The following C3 variants were observed in gnomAD, a reference collection of about 807,000 sequenced individuals.
C3 encodes C3 and PZP-like alpha-2-macroglobulin domain-containing protein 1.
C3 carries 97 observed loss-of-function variants against 207.9 expected under a neutral mutation model. The observed-to-expected ratio is 0.47, with a 90% CI of 0.40 to 0.55. The LOEUF (loss-of-function observed/expected upper bound fraction) is 0.55. Ranked by LOEUF, C3 falls within the 20% of genes least tolerant of loss-of-function variation. C3 has a pLI of 0.00. For missense variants in C3, 1,684 were observed against 2,171.7 expected, an observed-to-expected ratio of 0.78 and a Z score of 4.46; for synonymous variants, 848 against 857.6, an observed-to-expected ratio of 0.99 and a Z score of 0.20.
intron 13 of C3, 79 bp from the exon 14 acceptor site, chr19:6,709,921 G>T: frequency 7.2e-7 from 1 of 1,390,564 alleles, no homozygotes; most frequent in Non-Finnish European, 9.9e-7. Context: ...TGCTGGGCTA[G>T]AGTGGAAAGA....
intron 11 of C3, 149 bp downstream of exon 11, chr19:6,712,108 G>A (rs1967933487): frequency 1.0e-6 from 1 of 974,794 alleles, no homozygotes; most frequent in Non-Finnish European, 1.6e-6. Flanking sequence ...GTATCTCTAT[G>A]CAAATGGCAG....
chr19:6,695,587 A>C (rs564235846), intron 23 of C3, among the ~76,000 whole-genome samples: 2 of 152,050 alleles, frequency 1.3e-5, no homozygotes, highest in South Asian at 4.2e-4. Context: ...TCAATCGATT[A>C]TCCTGCTTCA....
chr19:6,694,790 T>C (rs1297505099), intron 23 of C3, among the ~76,000 whole-genome samples, 156 bp from the exon 24 acceptor site: 4 of 152,140 alleles, frequency 2.6e-5, no homozygotes, highest in Non-Finnish European at 5.9e-5. Context: ...GGAGGCTGCA[T>C]GGCTGAGTGG....
Position 6,713,249 on chromosome 19 carries a change from G to A in C3, c.943C>T (p.Arg315Ter). ...KVLLDGVQNPRAEDLVGKSLY... is the reference protein window; with the variant it reads ...KVLLDGVQNP ...GACTTCCCCACCAGGTCTTCTGCTC[G>A]GGGGTTCTGCACCCCGTCCAGCAGT... is the stretch of plus-strand genomic sequence containing the variant. Residue 315 changes from arginine (R) to a stop codon, truncating the protein, a stop_gained, in exon 9 of 41, where the codon CGA becomes TGA. Transcript: ENST00000245907. LOFTEE classifies it high-confidence loss of function. 4 of 1,613,662 alleles carry A rather than the reference G, an allele frequency of 2.5e-6. No homozygotes were observed. Among genetic ancestry groups the A allele is most frequent in the Non-Finnish European group, 3.4e-6 (4 of 1,179,988 alleles).
At chr19:6,697,052 A>AAT (rs1967552210) in intron 21 of C3, among the ~76,000 whole-genome samples, 1 of 88,380 alleles carries the variant, frequency 1.1e-5, no homozygotes, top group Non-Finnish European at 2.2e-5. Flanking sequence ...AAAAAAATAA[A>AAT]CAAACAAATA....
At chr19:6,709,615 A>AC in intron 14 of C3, 69 bp downstream of exon 14, 64 of 403,294 alleles carry the variant, frequency 1.6e-4, no homozygotes, top group South Asian at 5.4e-4. Flanking sequence ...CTCCAGTCCC[A>AC]CCCACCTCCC....
At chr19:6,696,533 AG>A in intron 22 of C3, 59 bp downstream of exon 22, 1 of 1,599,104 alleles carries the variant, frequency 6.3e-7, no homozygotes, top group Non-Finnish European at 8.6e-7. Context: ...CACTAAACCC[AG>A]GTCATTTACC....
chr19:6,678,366 C>G lies in C3; in HGVS notation c.4714+6G>C. The stretch of plus-strand genomic sequence containing the variant: ...GAGCCACGGGAGGCAGCGTGCTGAG[C>G]CTGACCTGACTTGATGGTCTGCTCA... On this transcript the variant is annotated splice_donor_region_variant and intron_variant, in intron 39 of 40. Transcript: ENST00000245907. 2 of 1,614,142 alleles carry G rather than the reference C, an allele frequency of 1.2e-6. No individual in the cohort carries two copies. Among genetic ancestry groups the G allele is most frequent in the Non-Finnish European group, 1.7e-6 (2 of 1,180,004 alleles).
At chr19:6,720,137 C>T (rs193231790) in intron 1 of C3, among the ~76,000 whole-genome samples, 37 of 152,222 alleles carry the variant, frequency 2.4e-4, no homozygotes, top group African/African-American at 8.7e-4. Flanking sequence ...TAGAAACATC[C>T]CAAACTCCAA....
intron 34 of C3, 35 bp from the exon 35 acceptor site, chr19:6,682,065 T>C (rs1451512865): frequency 6.2e-7 from 1 of 1,605,496 alleles, no homozygotes; most frequent in Non-Finnish European, 8.5e-7. Flanking sequence ...AAATCCCTCC[T>C]GGACCCCTCT....
chr19:6,703,066 C>G (rs962958990), intron 17 of C3, among the ~76,000 whole-genome samples: 1 of 151,924 alleles, frequency 6.6e-6, no homozygotes, highest in African/African-American at 2.4e-5. Flanking sequence ...AAAAAGAGAG[C>G]CGACCTACTT....
intron 11 of C3, among the ~76,000 whole-genome samples, chr19:6,711,917 C>T (rs901797789): frequency 2.6e-5 from 4 of 152,312 alleles, no homozygotes; most frequent in South Asian, 2.1e-4. Flanking sequence ...AGCGCCTCTC[C>T]GTGTAAGTGG....
Position 6,712,577 on chromosome 19 carries a change from G to A in C3, c.1050C>T (p.Thr350=), listed in dbSNP as rs1475643632. The A allele has an allele frequency of 4.3e-6, 7 of 1,614,038 alleles. No homozygotes were observed. Among genetic ancestry groups the A allele is most frequent in the Non-Finnish European group, 5.9e-6 (7 of 1,180,006 alleles). Residue 350 remains threonine (T), a synonymous_variant, in exon 10 of 41, where the codon ACC becomes ACT. Coordinates refer to ENST00000245907, the MANE Select transcript of C3 (RefSeq NM_000064.4). ...TGGTGAAGTGGATCTGGTAGGGAGA[G>A]GTCACGATGGGGATCCCGCTGCGCT... ...QAERSGIPIV[T]SPYQIHFTKT...
At chr19:6,693,202 C>A in intron 25 of C3, 119 bp from the exon 26 acceptor site, 1 of 1,262,840 alleles carries the variant, frequency 7.9e-7, no homozygotes, top group Middle Eastern at 2.6e-4. Flanking sequence ...GTTTGCCTTC[C>A]CAGGCCCCAG....
chr19:6,697,641 C>G lies in C3; in HGVS notation c.2583+11G>C, dbSNP rs1174437677. 1 of 1,613,924 alleles carries G rather than the reference C, an allele frequency of 6.2e-7. No individual in the cohort carries two copies. The highest frequency in any genetic ancestry group is 8.5e-7 in the Non-Finnish European group (1 of 1,180,014). On this transcript the variant is annotated intron_variant, in intron 20 of 40. Transcript: ENST00000245907. ...CAGCCTCCAAGAAGCCTCTGCCACCCCGGGACCCACCTTGAGCTCTTGGTT... is the reference window on the plus strand; with the variant it reads ...CAGCCTCCAAGAAGCCTCTGCCACCGCGGGACCCACCTTGAGCTCTTGGTT...
At position 6,684,998 on chromosome 19, in the gene C3, C is replaced by T; in HGVS notation, c.3959G>A (p.Arg1320Gln). 2.5e-6 allele frequency: 4 copies of T among 1,613,510 alleles called. No homozygotes were observed. The highest frequency in any genetic ancestry group is 3.4e-6 in the Non-Finnish European group (4 of 1,179,908). The change falls in exon 30 of 41, where the codon CGA becomes CAA. Residue 1320 changes from arginine (R) to glutamine (Q), a missense_variant. This residue lies in a region of C3 where 1,280 missense variants were observed against 1,739.1 expected (regional missense o/e 0.74). Coordinates refer to ENST00000245907, the MANE Select transcript of C3 (RefSeq NM_000064.4). ...GCTGGGTGACTGTACCTCTTCTGATCGCAGGAGGCTGGCAGATTCCCAGTG... is the reference window on the plus strand; with the variant it reads ...GCTGGGTGACTGTACCTCTTCTGATTGCAGGAGGCTGGCAGATTCCCAGTG... ...RIHWESASLL[R>Q]SEETKENEGF...
rs149209011 is a variant in C3 at position 6,696,657 on chromosome 19, C to T, written c.2799G>A (p.Pro933=). Residue 933 remains proline (P), a splice_region_variant and synonymous_variant, in exon 22 of 41, where the codon CCG becomes CCA. Transcript: ENST00000245907. ...DGVRKSLKVV[P]EGIRMNKTVA... ...CAGTTTTGTTCATTCTGATTCCTTC[C>T]GGCTACGCAGTGTTAGAGGTGGGGG... 154 of 1,613,848 alleles carry T rather than the reference C, an allele frequency of 9.5e-5. 1 individual carries two copies. The Middle Eastern group carries it at 2.3e-3, about 24-fold the overall frequency.
rs1967805881 is a variant in C3, at chr19:6,707,488, G to C, written c.2025C>G (p.Leu675=). The C allele has an allele frequency of 6.2e-7, 1 of 1,613,964 alleles. No homozygotes were observed. Among genetic ancestry groups the C allele is most frequent in the Admixed American group, 1.7e-5 (1 of 60,008 alleles). Residue 675 remains leucine, a synonymous_variant, in exon 16 of 41, where the codon CTC becomes CTG. Coordinates refer to ENST00000245907, the MANE Select transcript of C3 (RefSeq NM_000064.4). Reference sequence around the variant, plus strand: ...CACCTTTGTCCATTCGCTTCTCCGTGAGCTGCACGGAACGGCGTCGGCGGG... The same window carrying C: ...CACCTTTGTCCATTCGCTTCTCCGTCAGCTGCACGGAACGGCGTCGGCGGG... ...PAARRRRSVQ[L]TEKRMDKVGK...
intron 26 of C3, among the ~76,000 whole-genome samples, chr19:6,690,952 G>A (rs1298996243): frequency 6.6e-6 from 1 of 152,114 alleles, no homozygotes; most frequent in African/African-American, 2.4e-5. Flanking sequence ...TGGGTACAAC[G>A]GTCTGATCCA....
Sources: allele counts gnomAD v4.1 joint callset (sites outside exome capture counted in the v4.1 genomes callset), GRCh38; gene constraint gnomAD v4.1.1; regional missense constraint gnomAD v4.1.1; transcripts MANE v1.5; gene names NCBI Gene and HGNC (gene_info 2026-07-23, HGNC 2026-07-21).